Variants in SCNN1A observed in about 807,000 individuals in gnomAD.
The protein encoded by SCNN1A is epithelial sodium channel subunit alpha.
SCNN1A carries 65 observed loss-of-function variants against 68.6 expected under a neutral mutation model. The observed-to-expected ratio is 0.95, with a 90% CI of 0.78 to 1.16. The LOEUF is 1.16. SCNN1A is among the 50% of genes most tolerant of loss of function. The pLI is 0.00. For synonymous variants in SCNN1A, 357 were observed against 353.3 expected (o/e 1.01, Z -0.12); for missense variants, 880 against 865.9 (o/e 1.02, Z -0.20).
intron 4 of SCNN1A, among the ~76,000 whole-genome samples, chr12:6,358,321 C>T (rs1193993260): frequency 6.6e-6 from 1 of 152,202 alleles, no homozygotes; most frequent in African/African-American, 2.4e-5. Context: ...AACCTTCATA[C>T]ATTGCTGTTG....
chr12:6,354,941 G>C, intron 6 of SCNN1A, 93 bp from the exon 7 acceptor site: 1 of 1,055,942 alleles, frequency 9.5e-7, no homozygotes, highest in Middle Eastern at 2.0e-4. Context: ...TCTCACACCT[G>C]CCAGCCCCTC....
Position 6,372,210 on chromosome 12 carries a change from C to A in SCNN1A, c.416+2158G>T, listed in dbSNP as rs1464492084. ...GCTCAAATTATTTCCTCTTGCCAAG[C>A]CTTAATTTCCTCATCTAAAAAAATG... On this transcript the variant is annotated intron_variant, in intron 2 of 12. Coordinates refer to ENST00000228916, the MANE Select transcript of SCNN1A (RefSeq NM_001038.6). The surrounding 1 kb of genome is among the most constrained non-coding windows in gnomAD (Gnocchi z 5.8). Among the ~76,000 whole-genome samples the A allele has an allele frequency of 1.3e-5, 2 of 152,144 alleles. No individual in the cohort carries two copies. The highest frequency in any genetic ancestry group is 6.5e-5 in the Admixed American group (1 of 15,278).
chr12:6,368,269 T>TTA (rs1189077447), intron 2 of SCNN1A, among the ~76,000 whole-genome samples: 2 of 152,150 alleles, frequency 1.3e-5, no homozygotes, highest in African/African-American at 4.8e-5. Flanking sequence ...GATTCGATAA[T>TTA]ATTCGTGGAC....
rs186352435 is a variant in SCNN1A at position 6,353,652 on chromosome 12, T to G, written c.1360+786A>C. ...TCACCCAGGCTGGAGTGCAATGGCG[T>G]GATCTCAGCTCACTGCAGGCTCCGC... On this transcript the variant is annotated intron_variant, in intron 8 of 12. Coordinates refer to ENST00000228916, the MANE Select transcript of SCNN1A (RefSeq NM_001038.6). 2.2e-3 allele frequency: 178 copies of G among 80,724 alleles called. 4 individuals are homozygous for G. Among genetic ancestry groups the G allele is most frequent in the African/African-American group, 0.012 (161 of 13,050 alleles). The allele number at this position is 80,724 out of a possible 1,614,324, so 5.0% of individuals were successfully genotyped here. A position where few individuals can be genotyped will look rare whatever the true frequency, so the allele number is the denominator to read the frequency against.
Position 6,348,135 on chromosome 12 carries a change from A to C in SCNN1A, c.1748T>G (p.Met583Arg), listed in dbSNP as rs1592058149. ...VFDLLVIMFL[M>R]LLRRFRSRYW... ...TCGGCTTCGGAACCTTCGGAGCAGC[A>C]TGAGGAACATGATGACCAGCAGGTC... is the stretch of plus-strand genomic sequence containing the variant. The change falls in exon 13 of 13, where the codon ATG becomes AGG. Residue 583 changes from methionine to arginine, a missense_variant. Physicochemically the swap from Met to Arg is moderately conservative, Grantham distance 91 (BLOSUM62 -1). Coordinates refer to ENST00000228916, the MANE Select transcript of SCNN1A (RefSeq NM_001038.6). The C allele has an allele frequency of 8.7e-6, 14 of 1,614,072 alleles. No homozygotes were observed. The East Asian group carries it at 3.1e-4, about 36-fold the overall frequency.
At position 6,374,674 on chromosome 12, in the gene SCNN1A, G is replaced by A. The variant is rs757014172; in HGVS notation, c.110C>T (p.Ala37Val). Residue 37 changes from alanine (A) to valine (V), a missense_variant, in exon 2 of 13, where the codon GCG becomes GTG. Ala to Val is a moderately conservative substitution (Grantham distance 64, BLOSUM62 0). Around this residue, in one of 3 missense-constraint regions of SCNN1A, gnomAD observed 77 missense variants for 67.4 expected, o/e 1.14. Transcript: ENST00000228916. The surrounding 1 kb of genome is among the most constrained non-coding windows in gnomAD (Gnocchi z 6.2). ...EEQGLGPEPA[A>V]PQQPTAEEEA... The stretch of plus-strand genomic sequence containing the variant: ...CTCCTCCGCCGTGGGCTGCTGGGGC[G>A]CCGCAGGTTCGGGGCCCAGCCCCTG... 9.3e-6 allele frequency: 15 copies of A among 1,613,844 alleles called. No homozygotes were observed. The highest frequency in any genetic ancestry group is 6.7e-5 in the East Asian group (3 of 44,880).
intron 8 of SCNN1A, among the ~76,000 whole-genome samples, chr12:6,350,609 G>C (rs1380093378): frequency 6.6e-6 from 1 of 152,166 alleles, no homozygotes; most frequent in Non-Finnish European, 1.5e-5. Context: ...GGCTGAGGCA[G>C]GTGGATTACC....
intron 2 of SCNN1A, among the ~76,000 whole-genome samples, chr12:6,368,684 A>G (rs1245643973): frequency 2.0e-5 from 3 of 152,168 alleles, no homozygotes; most frequent in Non-Finnish European, 4.4e-5. Flanking sequence ...CAGCACTCCA[A>G]CCACCACACT....
intron 2 of SCNN1A, among the ~76,000 whole-genome samples, chr12:6,371,465 A>G (rs1397521205): frequency 6.7e-6 from 1 of 149,238 alleles, no homozygotes; most frequent in Admixed American, 6.7e-5. Flanking sequence ...AATCAAACAC[A>G]CTAGGTTTGT....
chr12:6,348,853 G>C, intron 11 of SCNN1A, 51 bp from the exon 12 acceptor site: 5 of 1,600,640 alleles, frequency 3.1e-6, no homozygotes, highest in Middle Eastern at 1.7e-4. Context: ...TGAATTTCCT[G>C]GACCTTCCTC....
intron 3 of SCNN1A, among the ~76,000 whole-genome samples, chr12:6,363,198 C>T (rs1325380860): frequency 6.6e-6 from 1 of 151,750 alleles, no homozygotes; most frequent in Non-Finnish European, 1.5e-5. Context: ...CTTCCTACCC[C>T]TGAAATGCTT....
rs1281528341 is a variant in SCNN1A, at chr12:6,363,609, C to T, written c.518G>A (p.Gly173Asp). The T allele has an allele frequency of 6.2e-7, 1 of 1,612,634 alleles. No homozygotes were observed. Among genetic ancestry groups the T allele is most frequent in the Non-Finnish European group, 8.5e-7 (1 of 1,179,406 alleles). Residue 173 changes from glycine to aspartate, a missense_variant, in exon 3 of 13, where the codon GGC (glycine) becomes GAC (aspartate). By Grantham distance (94) the Gly-to-Asp change is moderately conservative. This residue lies in a region of SCNN1A where 758 missense variants were observed against 721.8 expected (regional missense o/e 1.05). Transcript: ENST00000228916. The stretch of plus-strand genomic sequence containing the variant: ...CCGCAGGTCGCGACGGCTGCGGGAG[C>T]CGGCCACGAGAGTGGTGAAGGAGCT... ...KYSSFTTLVA[G>D]SRSRRDLRGT...
At chr12:6,363,371 C>G in intron 3 of SCNN1A, 72 bp downstream of exon 3, 1 of 1,359,142 alleles carries the variant, frequency 7.4e-7, no homozygotes, top group South Asian at 1.6e-5. Flanking sequence ...AGGAAAGGAG[C>G]GGAGCCCATG....
At chr12:6,363,006 C>T (rs938153863) in intron 3 of SCNN1A, among the ~76,000 whole-genome samples, 2 of 3,796 alleles carry the variant, frequency 5.3e-4, no homozygotes, top group East Asian at 0.013. Flanking sequence ...TTACTGTCTC[C>T]TTATTCTCTA....
chr12:6,376,371 C>T (rs1430417733), upstream of SCNN1A, among the ~76,000 whole-genome samples: 4 of 152,216 alleles, frequency 2.6e-5, no homozygotes, highest in African/African-American at 9.7e-5. Flanking sequence ...AATGTGTAAT[C>T]GCCCCTGCTG....
chr12:6,348,948 A>G lies in SCNN1A; in HGVS notation c.1553+2T>C, dbSNP rs1355529603. 6.2e-7 allele frequency: 1 copy of G among 1,613,620 alleles called. No individual in the cohort carries two copies. Among genetic ancestry groups the G allele is most frequent in the Non-Finnish European group, 8.5e-7 (1 of 1,179,860 alleles). Reference sequence around the variant, plus strand: ...TGTGGCTGGGACCAGGGCAGGACTGACCTCTTGTTGTTGACGGTGTAATTG... The same window carrying G: ...TGTGGCTGGGACCAGGGCAGGACTGGCCTCTTGTTGTTGACGGTGTAATTG... On this transcript the variant is annotated splice_donor_variant, in intron 11 of 12. Transcript: ENST00000228916. LOFTEE classifies it high-confidence loss of function.
rs147771361 is a variant in SCNN1A at position 6,350,734 on chromosome 12, G to A, written c.1361-1329C>T. Among the ~76,000 whole-genome samples the A allele has an allele frequency of 9.7e-3, 1,480 of 152,222 alleles. 24 individuals carry two copies. The highest frequency in any genetic ancestry group is 0.034 in the African/African-American group (1,410 of 41,542). On this transcript the variant is annotated intron_variant, in intron 8 of 12. Transcript: ENST00000228916. ...CACCTGTAATCCCAGCTACTTGGGA[G>A]GCTGAGGCAGGATAATTGCTTGAAC...
chr12:6,376,365 T>C (rs538642556), upstream of SCNN1A, among the ~76,000 whole-genome samples: 1 of 152,242 alleles, frequency 6.6e-6, no homozygotes, highest in African/African-American at 2.4e-5. Flanking sequence ...GCCAGGAATG[T>C]GTAATCGCCC....
At position 6,348,256 on chromosome 12, in the gene SCNN1A, G is replaced by A; in HGVS notation, c.1630-3C>T. On this transcript the variant is annotated splice_polypyrimidine_tract_variant and splice_region_variant and intron_variant, in intron 12 of 12. Coordinates refer to ENST00000228916, the MANE Select transcript of SCNN1A (RefSeq NM_001038.6). ...AGGTTGGACAGGAGGGTGACCATCT[G>A]TGAGAGGAGAGGTACATTGACGATG... 2 of 1,613,980 alleles carry A rather than the reference G, an allele frequency of 1.2e-6. No individual in the cohort carries two copies. Among genetic ancestry groups the A allele is most frequent in the East Asian group, 2.2e-5 (1 of 44,880 alleles).
Sources: gnomAD v4.1 joint callset for allele counts (sites outside exome capture counted in the v4.1 genomes callset) on GRCh38, gnomAD v4.1.1 for gene constraint, gnomAD v4.1.1 regional missense constraint, Gnocchi (gnomAD v3.1) non-coding constraint, MANE v1.5 for transcripts, NCBI Gene and HGNC (gene_info 2026-07-23, HGNC 2026-07-21) for gene names.